Variants in FBXO22 observed in about 807,000 individuals in gnomAD.
The protein encoded by FBXO22 is F-box only protein 22.
Under a neutral mutation model 37.2 loss-of-function variants are expected in FBXO22, and 13 were observed. The ratio of observed to expected loss-of-function variants is 0.35; its 90% CI spans 0.23 to 0.56. FBXO22 has a LOEUF of 0.56. FBXO22 is among the 20% of genes least tolerant of loss of function. The pLI is 0.87. For synonymous variants in FBXO22, 189 were observed against 189.1 expected (o/e 1.00, Z 0.00); for missense variants, 446 against 509.9 (o/e 0.87, Z 1.21).
chr15:75,921,575 C>T (rs1263728318), intron 5 of FBXO22, among the ~76,000 whole-genome samples: 3 of 151,996 alleles, frequency 2.0e-5, no homozygotes, highest in East Asian at 1.9e-4. Flanking sequence ...GCAGGAGAAT[C>T]GCTTGAACCT....
chr15:75,929,440 G>A (rs1410250714), intron 5 of FBXO22, among the ~76,000 whole-genome samples: 1 of 151,900 alleles, frequency 6.6e-6, no homozygotes, highest in African/African-American at 2.4e-5. Context: ...AGTGGTTAGC[G>A]CCTTTTCTCT....
chr15:75,932,706 C>T lies in FBXO22; in HGVS notation c.816C>T (p.Ala272=), dbSNP rs2030089442. Residue 272 remains alanine, a synonymous_variant, in exon 7 of 7, where the codon GCC becomes GCT. Coordinates refer to ENST00000308275, the MANE Select transcript of FBXO22 (RefSeq NM_147188.3). Reference sequence around the variant, plus strand: ...CCAGGAACCCTCTGGATATTGATGCCTCGGGTGTGGTTGGACTGTCATTTA... The same window carrying T: ...CCAGGAACCCTCTGGATATTGATGCTTCGGGTGTGGTTGGACTGTCATTTA... ...TSEKNPLDID[A]SGVVGLSFSG... is the part of the protein sequence containing the mutation. 6.2e-7 allele frequency: 1 copy of T among 1,606,430 alleles called. No homozygotes were observed. The highest frequency in any genetic ancestry group is 8.5e-7 in the Non-Finnish European group (1 of 1,175,886).
chr15:75,933,379 T>C lies in FBXO22; in HGVS notation c.*277T>C, dbSNP rs17428029. 0.025 allele frequency: 9,153 copies of C among 363,096 alleles called. 177 individuals are homozygous for C. The highest frequency in any genetic ancestry group is 0.034 in the Non-Finnish European group (6,859 of 198,978). The allele number at this position is 363,096 out of a possible 1,614,324, so 22.5% of individuals were successfully genotyped here. ...CAGATCATGTAGCTGCTGTGTAACA[T>C]GACCTTAAATAGTCTTCCTGCATAG... is the stretch of plus-strand genomic sequence containing the variant. On this transcript the variant is annotated 3_prime_UTR_variant, in exon 7 of 7. Coordinates refer to ENST00000308275, the MANE Select transcript of FBXO22 (RefSeq NM_147188.3).
chr15:75,911,619 C>T (rs926730128), intron 2 of FBXO22, among the ~76,000 whole-genome samples: 2 of 152,168 alleles, frequency 1.3e-5, no homozygotes, highest in African/African-American at 4.8e-5. Flanking sequence ...GATTTTGTAT[C>T]CTGAGACTTT....
rs1005024946 is a variant in FBXO22, at chr15:75,935,591, T to A, written c.*2489T>A. The A allele has an allele frequency of 1.3e-5, 2 of 149,954 alleles. No homozygotes were observed. Among genetic ancestry groups the A allele is most frequent in the African/African-American group, 4.9e-5 (2 of 40,592 alleles). The allele number at this position is 149,954 out of a possible 1,614,324, so 9.3% of individuals were successfully genotyped here. On this transcript the variant is annotated 3_prime_UTR_variant, in exon 7 of 7. Coordinates refer to ENST00000308275, the MANE Select transcript of FBXO22 (RefSeq NM_147188.3). The stretch of plus-strand genomic sequence containing the variant: ...CTTGAAATTAAGACCTAGAAATAGA[T>A]CCACCCTTGCAGACTGATAAAAGTG...
chr15:75,918,608 T>C (rs558284266), intron 5 of FBXO22, among the ~76,000 whole-genome samples: 45 of 152,350 alleles, frequency 3.0e-4, no homozygotes, highest in African/African-American at 9.9e-4. Context: ...TTAACCTAAG[T>C]GTCCATTAGC....
intron 3 of FBXO22, 148 bp downstream of exon 3, chr15:75,913,438 G>A (rs1900114007): frequency 1.9e-6 from 1 of 530,900 alleles, no homozygotes; most frequent in African/African-American, 1.9e-5. Flanking sequence ...ATCTATCTTT[G>A]AACCTTGAGG....
At chr15:75,931,201 T>C (rs1321388268) in intron 6 of FBXO22, among the ~76,000 whole-genome samples, 1 of 152,210 alleles carries the variant, frequency 6.6e-6, no homozygotes, top group Non-Finnish European at 1.5e-5. Context: ...CTCAGACTTA[T>C]AACATCTGAG....
chr15:75,913,279 GC>G lies in FBXO22; in HGVS notation c.358del (p.His120IlefsTer30). Reference protein sequence around the residue: ...ETFISLEECRGHKRARKRTSM... With the variant: ...ETFISLEECRXHKRARKRTSM... Reference sequence around the variant, plus strand: ...TTCATTAGTCTGGAAGAGTGTCGTGGCCATAAGAGAGGTAAATATCAAAAGA... The same window carrying G: ...TTCATTAGTCTGGAAGAGTGTCGTGGCATAAGAGAGGTAAATATCAAAAGA... On this transcript the variant is annotated frameshift_variant, in exon 3 of 7. Coordinates refer to ENST00000308275, the MANE Select transcript of FBXO22 (RefSeq NM_147188.3). LOFTEE classifies it high-confidence loss of function. 1 of 1,604,900 alleles carries G rather than the reference GC, an allele frequency of 6.2e-7. No individual in the cohort carries two copies. The highest frequency in any genetic ancestry group is 8.5e-7 in the Non-Finnish European group (1 of 1,174,584).
chr15:75,924,404 C>G (rs1900396433), intron 5 of FBXO22, among the ~76,000 whole-genome samples: 1 of 152,158 alleles, frequency 6.6e-6, no homozygotes. Flanking sequence ...TACAGTCTTA[C>G]ATGGGATGTC....
intron 2 of FBXO22, among the ~76,000 whole-genome samples, chr15:75,905,162 AC>A (rs1567050356): frequency 1.3e-5 from 2 of 152,186 alleles, no homozygotes; most frequent in Non-Finnish European, 2.9e-5. Flanking sequence ...ACTATTAACA[AC>A]AACGCTGTGC....
Position 75,930,032 on chromosome 15 carries a change from ATC to A in FBXO22, c.778_779del (p.Ser260ThrfsTer4). ...CTGGAGGCCAGGTGGACAACCTGTC[ATC>A]ACTGACTTCTGAAAAGTATGTCTTG... The part of the protein sequence containing the change: ...LAGGQVDNLS[S>X]LTSEKNPLDI... On this transcript the variant is annotated frameshift_variant, in exon 6 of 7. Coordinates refer to ENST00000308275, the MANE Select transcript of FBXO22 (RefSeq NM_147188.3). LOFTEE classifies it high-confidence loss of function. 6.2e-7 allele frequency: 1 copy of A among 1,614,100 alleles called. No individual in the cohort carries two copies. Among genetic ancestry groups the A allele is most frequent in the Non-Finnish European group, 8.5e-7 (1 of 1,179,954 alleles).
Position 75,938,533 on chromosome 15 carries a change from TAAAG to T in FBXO22, c.*5435_*5438del, listed in dbSNP as rs551270195. On this transcript the variant is annotated 3_prime_UTR_variant, in exon 7 of 7. Coordinates refer to ENST00000308275, the MANE Select transcript of FBXO22 (RefSeq NM_147188.3). The stretch of plus-strand genomic sequence containing the variant: ...CTAAAGGAAAACATGAACAAAGAAT[TAAAG>T]AAATCAGGAAAATGATAAATGAACA... 6 of 152,042 alleles carry T rather than the reference TAAAG, an allele frequency of 3.9e-5. No homozygotes were observed. Among genetic ancestry groups the T allele is most frequent in the East Asian group, 3.9e-4 (2 of 5,176 alleles). 9.4% of individuals were successfully genotyped at this position (152,042 alleles called of 1,614,324 possible).
intron 5 of FBXO22, among the ~76,000 whole-genome samples, chr15:75,927,385 A>G (rs1396316809): frequency 6.6e-6 from 1 of 152,250 alleles, no homozygotes; most frequent in Non-Finnish European, 1.5e-5. Flanking sequence ...TCTAGAGCTT[A>G]GAAAACAGGA....
At chr15:75,906,025 C>T (rs767077682) in intron 2 of FBXO22, among the ~76,000 whole-genome samples, 19 of 152,234 alleles carry the variant, frequency 1.2e-4, no homozygotes, top group Non-Finnish European at 1.9e-4. Context: ...TGTACACTCT[C>T]GGAGTCTTAT....
chr15:75,930,928 T>C, intron 6 of FBXO22: 1 of 898,742 alleles, frequency 1.1e-6, no homozygotes, highest in Non-Finnish European at 1.3e-6. Context: ...GTTATCTCTA[T>C]GAGCTAGATC....
chr15:75,930,605 CTT>C, intron 6 of FBXO22: 3 of 985,516 alleles, frequency 3.0e-6, no homozygotes, highest in Non-Finnish European at 3.6e-6. Flanking sequence ...AATTGTGGAT[CTT>C]TTTTGTTACT....
At position 75,940,266 on chromosome 15, in the gene FBXO22, CA is replaced by C. The variant is rs2030806646; in HGVS notation, c.*7165del. 6.6e-6 allele frequency: 1 copy of C among 152,030 alleles called. No individual in the cohort carries two copies. Among genetic ancestry groups the C allele is most frequent in the South Asian group, 2.1e-4 (1 of 4,826 alleles). The allele number at this position is 152,030 out of a possible 1,614,324, so 9.4% of individuals were successfully genotyped here. A position where few individuals can be genotyped will look rare whatever the true frequency, so the allele number is the denominator to read the frequency against. ...CCATAGCGTCAAAAAGAATAAAATG[CA>C]CAGAAATTAGCTTACCCAAGGTGGT... is the stretch of plus-strand genomic sequence containing the variant. On this transcript the variant is annotated 3_prime_UTR_variant, in exon 7 of 7. Coordinates refer to ENST00000308275, the MANE Select transcript of FBXO22 (RefSeq NM_147188.3).
At chr15:75,924,409 G>T (rs920750442) in intron 5 of FBXO22, among the ~76,000 whole-genome samples, 2 of 152,144 alleles carry the variant, frequency 1.3e-5, no homozygotes, top group Admixed American at 6.5e-5. Flanking sequence ...TCTTACATGG[G>T]ATGTCAACAT....
Sources: gnomAD v4.1 joint callset for allele counts (sites outside exome capture counted in the v4.1 genomes callset) on GRCh38, gnomAD v4.1.1 for gene constraint, MANE v1.5 for transcripts, NCBI Gene and HGNC (gene_info 2026-07-23, HGNC 2026-07-21) for gene names.